The following CMTM7 variants were observed in gnomAD, a reference collection of about 807,000 sequenced individuals.
CMTM7 encodes CKLF-like MARVEL transmembrane domain-containing protein 7.
Under a neutral mutation model 19.3 loss-of-function variants are expected in CMTM7, and 7 were observed. The observed-to-expected ratio is 0.36, with a 90% CI of 0.21 to 0.68. CMTM7 has a LOEUF of 0.68. CMTM7 is among the 30% of genes least tolerant of loss of function. The pLI is 0.60. For synonymous variants in CMTM7, 87 were observed against 99.3 expected (o/e 0.88, Z 0.74); for missense variants, 193 against 232.6 (o/e 0.83, Z 1.11).
chr3:32,397,100 G>T (rs347135), intron 1 of CMTM7, among the ~76,000 whole-genome samples: 43,648 of 152,016 alleles, frequency 0.29, 7,672 homozygotes, highest in South Asian at 0.41. Context: ...AAACTTCAGG[G>T]CAAGTTGTAG....
At chr3:32,448,275 C>T (rs557281434) in intron 2 of CMTM7, among the ~76,000 whole-genome samples, 18 of 152,240 alleles carry the variant, frequency 1.2e-4, no homozygotes, top group African/African-American at 4.3e-4. Flanking sequence ...CTCATCTGTT[C>T]TTCAGTTAAA....
Position 32,407,600 on chromosome 3 carries a change from G to A in CMTM7, c.159+15535G>A, listed in dbSNP as rs562632774. On this transcript the variant is annotated intron_variant, in intron 1 of 4. Coordinates refer to ENST00000334983, the MANE Select transcript of CMTM7 (RefSeq NM_138410.4). ...CGTGACACATACTGTTTTCACCTGG[G>A]AAAGGTGAAAGAGGCAACACAGACC... 3.6e-4 allele frequency among the ~76,000 whole-genome samples: 55 copies of A among 152,300 alleles called. 1 individual carries two copies. In the South Asian group the frequency reaches 0.011, roughly 31 times the overall value.
rs754680313 is a variant in CMTM7 at position 32,391,984 on chromosome 3, G to C, written c.78G>C (p.Gln26His). ...SALGPGAGAAQPSASPLEGLL... is the reference protein window; with the variant it reads ...SALGPGAGAAHPSASPLEGLL... ...TCGGACCCGGGGCCGGCGCGGCCCAGCCCAGCGCGAGCCCCTTGGAGGGGC... is the reference window on the plus strand; with the variant it reads ...TCGGACCCGGGGCCGGCGCGGCCCACCCCAGCGCGAGCCCCTTGGAGGGGC... Residue 26 changes from glutamine to histidine, a missense_variant, in exon 1 of 5, where the codon CAG becomes CAC. Transcript: ENST00000334983. 3 of 1,233,262 alleles carry C rather than the reference G, an allele frequency of 2.4e-6. No homozygotes were observed. The highest frequency in any genetic ancestry group is 1.0e-6 in the Non-Finnish European group (1 of 987,088). 76.4% of individuals were successfully genotyped at this position (1,233,262 alleles called of 1,614,324 possible). A position where few individuals can be genotyped will look rare whatever the true frequency, so the allele number is the denominator to read the frequency against.
chr3:32,446,359 C>T (rs1696753115), intron 2 of CMTM7, among the ~76,000 whole-genome samples: 2 of 152,034 alleles, frequency 1.3e-5, no homozygotes, highest in Non-Finnish European at 2.9e-5. Flanking sequence ...TTTCCTCTTT[C>T]GTTTGCATCT....
chr3:32,444,343 C>A (rs879292356), intron 2 of CMTM7, among the ~76,000 whole-genome samples: 4 of 152,182 alleles, frequency 2.6e-5, no homozygotes, highest in Non-Finnish European at 5.9e-5. Flanking sequence ...GGCATTGGCA[C>A]CCTTGTTGAA....
At chr3:32,443,021 G>T (rs1696704040) in intron 2 of CMTM7, among the ~76,000 whole-genome samples, 1 of 152,162 alleles carries the variant, frequency 6.6e-6, no homozygotes, top group Non-Finnish European at 1.5e-5. Flanking sequence ...TGTATATGTG[G>T]TCTTTTGTAA....
At chr3:32,437,647 C>G (rs1696616789) in intron 1 of CMTM7, among the ~76,000 whole-genome samples, 1 of 151,890 alleles carries the variant, frequency 6.6e-6, no homozygotes, top group African/African-American at 2.4e-5. Flanking sequence ...ACTCTCGACA[C>G]TTTGGGAGGC....
intron 1 of CMTM7, among the ~76,000 whole-genome samples, chr3:32,413,941 A>G (rs1481383835): frequency 5.9e-5 from 9 of 152,132 alleles, no homozygotes. Context: ...GCCTCACCCA[A>G]GATGATGCCT....
Position 32,441,829 on chromosome 3 carries a change from T to C in CMTM7, c.160-11T>C. The C allele has an allele frequency of 6.2e-7, 1 of 1,613,304 alleles. No individual in the cohort carries two copies. The highest frequency in any genetic ancestry group is 1.3e-5 in the African/African-American group (1 of 75,016). On this transcript the variant is annotated splice_polypyrimidine_tract_variant and intron_variant, in intron 1 of 4. Coordinates refer to ENST00000334983, the MANE Select transcript of CMTM7 (RefSeq NM_138410.4). ...GCAAGCATTTCTCTGATGTCTCTAT[T>C]TATGTGGCAGGTCACCCTGCTGATT...
intron 1 of CMTM7, among the ~76,000 whole-genome samples, chr3:32,429,161 A>T (rs969989057): frequency 2.6e-5 from 4 of 152,260 alleles, no homozygotes; most frequent in African/African-American, 9.6e-5. Flanking sequence ...TTTTAAAAAT[A>T]AAAAGAATAA....
Position 32,454,316 on chromosome 3 carries a change from G to A in CMTM7, c.*62G>A, listed in dbSNP as rs372160498. 43 of 1,600,198 alleles carry A rather than the reference G, an allele frequency of 2.7e-5. No individual in the cohort carries two copies. Among genetic ancestry groups the A allele is most frequent in the African/African-American group, 1.1e-4 (8 of 74,610 alleles). ...AGAGAGGAGGACGTGTACTCCAGGC[G>A]AGGCCTCTGGACCTGTGTTCCTGTG... On this transcript the variant is annotated 3_prime_UTR_variant, in exon 5 of 5. Coordinates refer to ENST00000334983, the MANE Select transcript of CMTM7 (RefSeq NM_138410.4).
chr3:32,418,136 A>G lies in CMTM7; in HGVS notation c.160-23704A>G, dbSNP rs61260468. Among the ~76,000 whole-genome samples the G allele has an allele frequency of 3.2e-4, 48 of 152,232 alleles. No homozygotes were observed. In the East Asian group the frequency reaches 7.7e-3, roughly 24 times the overall value. ...CGCGCCTGTCCTTATTGTGGTTTTA[A>G]TTTCCATTTCCCTAAAGACTATAAT... On this transcript the variant is annotated intron_variant, in intron 1 of 4. Coordinates refer to ENST00000334983, the MANE Select transcript of CMTM7 (RefSeq NM_138410.4).
intron 1 of CMTM7, among the ~76,000 whole-genome samples, chr3:32,421,377 C>G (rs568568245): frequency 3.3e-5 from 5 of 152,292 alleles, no homozygotes; most frequent in Admixed American, 2.6e-4. Context: ...TGCAGTTTGC[C>G]TAACATGGAC....
intron 1 of CMTM7, among the ~76,000 whole-genome samples, chr3:32,440,181 C>A (rs1189539911): frequency 2.0e-5 from 3 of 151,956 alleles, no homozygotes; most frequent in Non-Finnish European, 2.9e-5. Context: ...CTGGGGCAGG[C>A]AGATTACTTG....
intron 1 of CMTM7, among the ~76,000 whole-genome samples, chr3:32,425,031 G>A (rs1696408811): frequency 1.3e-5 from 2 of 152,188 alleles, no homozygotes; most frequent in Admixed American, 1.3e-4. Context: ...AGCAGTGTCA[G>A]TGGTTAAGAA....
At chr3:32,452,167 A>G in intron 3 of CMTM7, 2 of 1,505,062 alleles carry the variant, frequency 1.3e-6, no homozygotes, top group Admixed American at 4.0e-5. Context: ...CCTGGCTGCC[A>G]GCCCTGACCT....
Position 32,441,968 on chromosome 3 carries a change from C to A in CMTM7, c.288C>A (p.Leu96=). 6.2e-7 allele frequency: 1 copy of A among 1,614,216 alleles called. No homozygotes were observed. Among genetic ancestry groups the A allele is most frequent in the Non-Finnish European group, 8.5e-7 (1 of 1,180,038 alleles). ...IMILAFYLVH[L]FRFYRVLTCI... is the part of the protein sequence containing the mutation. ...TCCTCGCCTTTTACCTGGTCCACCTCTTCCGCTTCTACCGCGTGCTCACCT... is the reference window on the plus strand; with the variant it reads ...TCCTCGCCTTTTACCTGGTCCACCTATTCCGCTTCTACCGCGTGCTCACCT... The change falls in exon 2 of 5, where the codon CTC becomes CTA. Residue 96 remains leucine (L), a synonymous_variant. Coordinates refer to ENST00000334983, the MANE Select transcript of CMTM7 (RefSeq NM_138410.4).
intron 1 of CMTM7, among the ~76,000 whole-genome samples, chr3:32,402,393 C>T (rs958482989): frequency 1.1e-4 from 17 of 151,086 alleles, no homozygotes; most frequent in South Asian, 4.2e-4. Flanking sequence ...ATTACAGGCA[C>T]CAGCCACTGT....
chr3:32,400,397 TTC>T (rs1307028651), intron 1 of CMTM7, among the ~76,000 whole-genome samples: 22 of 54,102 alleles, frequency 4.1e-4, no homozygotes, highest in East Asian at 9.6e-4. Context: ...TTTCTTCTTC[TTC>T]TTTTTTTTTT....
Sources: allele counts gnomAD v4.1 joint callset (sites outside exome capture counted in the v4.1 genomes callset), GRCh38; gene constraint gnomAD v4.1.1; transcripts MANE v1.5; gene names NCBI Gene and HGNC (gene_info 2026-07-23, HGNC 2026-07-21).